The following NRG3 variants were observed in gnomAD, a reference collection of about 807,000 sequenced individuals.
NRG3 encodes pro-neuregulin-3, membrane-bound isoform.
Under a neutral mutation model 66.9 loss-of-function variants are expected in NRG3, and 31 were observed. That is an observed-to-expected ratio of 0.46 (90% CI 0.35 to 0.63). The LOEUF (loss-of-function observed/expected upper bound fraction) is 0.63. Ranked by LOEUF, NRG3 falls within the 20% of genes least tolerant of loss-of-function variation. The pLI is 0.00. For synonymous variants in NRG3, 393 were observed against 359.4 expected (o/e 1.09, Z -1.06); for missense variants, 910 against 878.9 (o/e 1.04, Z -0.45).
At position 82,648,204 on chromosome 10, in the gene NRG3, G is replaced by C. The variant is rs1392308346; in HGVS notation, c.954-90373G>C. On this transcript the variant is annotated intron_variant, in intron 2 of 8. Coordinates refer to ENST00000372141, the MANE Select transcript of NRG3 (RefSeq NM_001010848.4). The stretch of plus-strand genomic sequence containing the variant: ...GTGTAAGGTGTAAGAAAGGGATCCA[G>C]TTTCAGCTTTCTACATATGGCTAGC... Among the ~76,000 whole-genome samples, 8 of 152,278 alleles carry C rather than the reference G, an allele frequency of 5.3e-5. No homozygotes were observed. The East Asian group carries it at 1.5e-3, about 29-fold the overall frequency.
chr10:82,345,347 C>T (rs2082942483), intron 1 of NRG3, among the ~76,000 whole-genome samples: 1 of 149,530 alleles, frequency 6.7e-6, no homozygotes, highest in South Asian at 2.1e-4. Context: ...TTGTTTTTGT[C>T]AGGTTTGTCA....
chr10:82,970,043 G>A (rs1851582935), intron 6 of NRG3, among the ~76,000 whole-genome samples: 1 of 151,678 alleles, frequency 6.6e-6, no homozygotes, highest in Non-Finnish European at 1.5e-5. Context: ...CATTTCTATT[G>A]TTTTGAGTTT....
At position 82,973,858 on chromosome 10, in the gene NRG3, A is replaced by T; in HGVS notation, c.1355A>T (p.Gln452Leu). Residue 452 changes from glutamine to leucine, a missense_variant, in exon 7 of 9, where the codon CAG becomes CTG. Coordinates refer to ENST00000372141, the MANE Select transcript of NRG3 (RefSeq NM_001010848.4). ...ATGGAGTCAAGTTTTGTCGGCCCCC[A>T]GTCATTCCCTGAGGTCCCTTCTCCT... Reference protein sequence around the residue: ...KMMESSFVGPQSFPEVPSPDR... With the variant: ...KMMESSFVGPLSFPEVPSPDR... 1 of 1,614,088 alleles carries T rather than the reference A, an allele frequency of 6.2e-7. No homozygotes were observed. The highest frequency in any genetic ancestry group is 8.5e-7 in the Non-Finnish European group (1 of 1,179,964).
At chr10:82,199,849 G>A (rs879278466) in intron 1 of NRG3, among the ~76,000 whole-genome samples, 4 of 149,180 alleles carry the variant, frequency 2.7e-5, no homozygotes, top group South Asian at 2.2e-4. Context: ...TCTGATGCCC[G>A]CTATCTGTGT....
Position 82,720,810 on chromosome 10 carries a change from CATATATATATATATAT to C in NRG3, c.954-17750_954-17735del, listed in dbSNP as rs5786567. 3.7e-4 allele frequency among the ~76,000 whole-genome samples: 42 copies of C among 114,742 alleles called. 3 individuals carry two copies. The highest frequency in any genetic ancestry group is 1.4e-3 in the African/African-American group (33 of 22,858). 75.3% of individuals were successfully genotyped at this position (114,742 alleles called of 152,430 possible). A position where few individuals can be genotyped will look rare whatever the true frequency, so the allele number is the denominator to read the frequency against. On this transcript the variant is annotated intron_variant, in intron 2 of 8. Coordinates refer to ENST00000372141, the MANE Select transcript of NRG3 (RefSeq NM_001010848.4). ...AACACATATATAGGAGTATTTTATA[CATATATATATATATAT>C]ATATATATATATATATCACCCATCA... is the stretch of plus-strand genomic sequence containing the variant.
chr10:82,444,125 T>G (rs1159000721), intron 2 of NRG3, among the ~76,000 whole-genome samples: 2 of 152,218 alleles, frequency 1.3e-5, no homozygotes, highest in Non-Finnish European at 2.9e-5. Flanking sequence ...GTTTTTGAGA[T>G]GGAGCCTTGC....
chr10:82,728,341 A>G (rs965114833), intron 2 of NRG3, among the ~76,000 whole-genome samples: 4 of 152,062 alleles, frequency 2.6e-5, no homozygotes, highest in African/African-American at 4.8e-5. Flanking sequence ...CATGGGAGGG[A>G]GCCAATGGGA....
chr10:82,516,677 T>G (rs1346218286), intron 2 of NRG3, among the ~76,000 whole-genome samples: 3 of 152,198 alleles, frequency 2.0e-5, no homozygotes, highest in Non-Finnish European at 4.4e-5. Context: ...ATCAACCAAA[T>G]TTAATTACAT....
chr10:82,648,086 A>G (rs1081489), intron 2 of NRG3, among the ~76,000 whole-genome samples: 19,133 of 150,158 alleles, frequency 0.13, 1,335 homozygotes, highest in African/African-American at 0.14. Context: ...GCCCATGCCT[A>G]TGTCCTGAAT....
In NRG3 at chr10:82,358,785, C is replaced by T. The variant is rs1452310522; in HGVS notation, c.870C>T (p.Cys290=). 3.1e-6 allele frequency: 5 copies of T among 1,614,012 alleles called. No homozygotes were observed. In the African/African-American group the frequency reaches 5.3e-5, roughly 17 times the overall value. Residue 290 remains cysteine, a synonymous_variant, in exon 2 of 9, where the codon TGC becomes TGT. Transcript: ENST00000372141. ...AGCGATCCGAGCACTTCAAACCCTG[C>T]CGAGACAAGGACCTTGCATACTGTC... ...STERSEHFKP[C]RDKDLAYCLN...
intron 1 of NRG3, among the ~76,000 whole-genome samples, chr10:82,158,487 C>T (rs954596350): frequency 6.6e-6 from 1 of 151,582 alleles, no homozygotes; most frequent in African/African-American, 2.4e-5. Context: ...AAATAGGAGG[C>T]CCTTTAAGAG....
chr10:82,128,938 G>T (rs1031891809), intron 1 of NRG3, among the ~76,000 whole-genome samples: 2 of 151,956 alleles, frequency 1.3e-5, no homozygotes, highest in African/African-American at 4.8e-5. Flanking sequence ...TTTGAAGGTG[G>T]AGTCTCACTC....
At chr10:82,773,373 G>A (rs959375502) in intron 3 of NRG3, among the ~76,000 whole-genome samples, 1 of 152,094 alleles carries the variant, frequency 6.6e-6, no homozygotes, top group Non-Finnish European at 1.5e-5. Flanking sequence ...GTTGGGCATT[G>A]TTATGTCTTC....
At chr10:82,512,191 G>A (rs1845239211) in intron 2 of NRG3, among the ~76,000 whole-genome samples, 1 of 151,394 alleles carries the variant, frequency 6.6e-6, no homozygotes, top group Non-Finnish European at 1.5e-5. Flanking sequence ...TTTCAAATAT[G>A]TGTAAATATA....
intron 4 of NRG3, among the ~76,000 whole-genome samples, chr10:82,928,864 A>G (rs996430257): frequency 2.6e-5 from 4 of 152,102 alleles, no homozygotes; most frequent in Non-Finnish European, 5.9e-5. Context: ...CTCACACTCC[A>G]TACCCATTTT....
intron 1 of NRG3, among the ~76,000 whole-genome samples, chr10:82,243,812 T>C (rs2077111728): frequency 6.6e-6 from 1 of 152,206 alleles, no homozygotes; most frequent in Non-Finnish European, 1.5e-5. Context: ...AAAATGTGTA[T>C]TTCTTTTCTT....
chr10:82,240,901 C>T (rs977737489), intron 1 of NRG3, among the ~76,000 whole-genome samples: 1 of 152,020 alleles, frequency 6.6e-6, no homozygotes, highest in Admixed American at 6.6e-5. Context: ...GTAGAAGCCT[C>T]TAAGATTTTT....
intron 2 of NRG3, among the ~76,000 whole-genome samples, chr10:82,460,010 G>A (rs1029400037): frequency 1.3e-5 from 2 of 152,154 alleles, no homozygotes; most frequent in African/African-American, 4.8e-5. Context: ...ATAGCTGGTG[G>A]GGAATTTGCT....
intron 2 of NRG3, among the ~76,000 whole-genome samples, chr10:82,666,834 G>A (rs1591086583): frequency 6.6e-6 from 1 of 152,134 alleles, no homozygotes; most frequent in Admixed American, 6.5e-5. Flanking sequence ...TCGTATTCCA[G>A]CCATGTGTTT....
Sources: gnomAD v4.1 joint callset for allele counts (sites outside exome capture counted in the v4.1 genomes callset) on GRCh38, gnomAD v4.1.1 for gene constraint, MANE v1.5 for transcripts, NCBI Gene and HGNC (gene_info 2026-07-23, HGNC 2026-07-21) for gene names.